The following C21orf58 variants were observed in gnomAD, a reference collection of about 807,000 sequenced individuals.
The protein encoded by C21orf58 is chromosome 21 open reading frame 58, also known as uncharacterized protein C21orf58.
Under a neutral mutation model 35.8 loss-of-function variants are expected in C21orf58, and 34 were observed. The ratio of observed to expected loss-of-function variants is 0.95; its 90% confidence interval spans 0.72 to 1.26. The LOEUF is 1.26. Ranked by LOEUF, C21orf58 falls within the 50% of genes most tolerant of loss-of-function variation. The probability of loss-of-function intolerance (pLI) is 0.00; values close to 1 mark genes in which losing one functional copy is unlikely to be tolerated. For missense variants in C21orf58, 440 were observed against 414.3 expected (o/e 1.06, Z -0.54); for synonymous variants, 191 against 175.8 (o/e 1.09, Z -0.68).
Position 46,302,979 on chromosome 21 carries a change from G to A in C21orf58, c.722-403C>T, listed in dbSNP as rs1227714371. Among the ~76,000 whole-genome samples the A allele has an allele frequency of 1.2e-4, 18 of 151,434 alleles. No homozygotes were observed. The East Asian group carries it at 3.4e-3, about 28-fold the overall frequency. On this transcript the variant is annotated intron_variant, in intron 6 of 7. Transcript: ENST00000291691. ...CCGTCTGTACACGGTGCGGGTCCCC[G>A]GGGCGCGCCCTGAGTCTCTACTAAA...
Position 46,317,368 on chromosome 21 carries a change from C to G in C21orf58, c.310-100G>C, listed in dbSNP as rs143018532. 28 of 1,538,620 alleles carry G rather than the reference C, an allele frequency of 1.8e-5. No homozygotes were observed. The East Asian group carries it at 6.6e-4, about 36-fold the overall frequency. The stretch of plus-strand genomic sequence containing the variant: ...GGCTTTCTGAGTGAAAAGAATGGTA[C>G]GTCAGGAGTAACCCAGCCTCTCCAG... On this transcript the variant is annotated intron_variant, in intron 2 of 7. Coordinates refer to ENST00000291691, the MANE Select transcript of C21orf58 (RefSeq NM_058180.5).
intron 1 of C21orf58, chr21:46,318,550 G>A (rs763441114): frequency 8.9e-6 from 11 of 1,235,690 alleles, no homozygotes; most frequent in African/African-American, 1.5e-5. Context: ...GTCAGGGGAG[G>A]GCGCCCCACC....
At chr21:46,316,341 A>T (rs1267246067) in intron 3 of C21orf58, among the ~76,000 whole-genome samples, 8 of 152,102 alleles carry the variant, frequency 5.3e-5, no homozygotes, top group Non-Finnish European at 1.5e-5. Flanking sequence ...CTGTAATCTC[A>T]GCTACTCGGG....
At chr21:46,322,539 C>A (rs2083206625) in intron 1 of C21orf58, 100 bp downstream of exon 1, 3 of 1,312,440 alleles carry the variant, frequency 2.3e-6, no homozygotes, top group South Asian at 2.4e-5. Flanking sequence ...GGCTGTGTTG[C>A]CTGCCTGGCC....
intron 1 of C21orf58, among the ~76,000 whole-genome samples, chr21:46,321,033 T>G (rs1047194170): frequency 6.6e-6 from 1 of 151,734 alleles, no homozygotes; most frequent in African/African-American, 2.4e-5. Flanking sequence ...TTGTCAGACT[T>G]TTTTTTTAAA....
At chr21:46,311,403 C>G in intron 6 of C21orf58, 53 bp downstream of exon 6, 10 of 1,095,624 alleles carry the variant, frequency 9.1e-6, no homozygotes, top group Non-Finnish European at 1.2e-5. Flanking sequence ...AACATTTTCC[C>G]TTTCAGTAGA....
intron 5 of C21orf58, among the ~76,000 whole-genome samples, chr21:46,314,131 G>GTTTTTTTTTTTTTTTTT (rs140166854): frequency 1.4e-5 from 2 of 145,108 alleles, no homozygotes; most frequent in Admixed American, 7.0e-5. Context: ...GCATGATAAA[G>GTTTTTTTTTTTTTTTTT]TTTTTTTTTT....
intron 6 of C21orf58, 41 bp downstream of exon 6, chr21:46,311,414 TA>T (rs2082678668): frequency 3.3e-6 from 4 of 1,214,800 alleles, no homozygotes; most frequent in Non-Finnish European, 4.6e-6. Flanking sequence ...TTTCAGTAGA[TA>T]ATTTCCTCAA....
intron 6 of C21orf58, among the ~76,000 whole-genome samples, chr21:46,305,934 C>T (rs948427864): frequency 1.3e-4 from 19 of 150,906 alleles, no homozygotes; most frequent in Admixed American, 5.9e-4. Flanking sequence ...AGCGAGACTC[C>T]GTCTCAAAAA....
intron 6 of C21orf58, among the ~76,000 whole-genome samples, chr21:46,304,179 A>G (rs1219849125): frequency 6.7e-6 from 1 of 149,012 alleles, no homozygotes; most frequent in Admixed American, 6.7e-5. Flanking sequence ...AGCACCCGCC[A>G]CCACGCCCGG....
downstream of C21orf58, chr21:46,301,085 CTT>C (rs75629316): frequency 3.9e-4 from 313 of 804,672 alleles, no homozygotes; most frequent in East Asian, 8.9e-4. Context: ...AGCACTCTCC[CTT>C]TTTTTTTTTT....
chr21:46,305,955 AG>A (rs1191405263), intron 6 of C21orf58, among the ~76,000 whole-genome samples: 22 of 151,486 alleles, frequency 1.5e-4, no homozygotes, highest in Admixed American at 7.9e-4. Context: ...AAAAAAGAAA[AG>A]AATCTTGAGT....
intron 3 of C21orf58, among the ~76,000 whole-genome samples, chr21:46,316,677 A>C (rs1940411773): frequency 6.6e-6 from 1 of 152,222 alleles, no homozygotes; most frequent in African/African-American, 2.4e-5. Flanking sequence ...ATTCCCTCGC[A>C]CTGGCTCTGC....
At chr21:46,317,433 T>C in intron 2 of C21orf58, 165 bp from the exon 3 acceptor site, 2 of 1,212,258 alleles carry the variant, frequency 1.6e-6, no homozygotes, top group Non-Finnish European at 1.1e-6. Context: ...AGGATCTCCC[T>C]GAGCTGCCTC....
chr21:46,303,800 G>A (rs1487365105), intron 6 of C21orf58, among the ~76,000 whole-genome samples: 1 of 131,714 alleles, frequency 7.6e-6, no homozygotes, highest in Non-Finnish European at 1.6e-5. Context: ...CGCCGAGGCT[G>A]GAGTGCAGTG....
intron 1 of C21orf58, among the ~76,000 whole-genome samples, chr21:46,321,621 G>A (rs1459915343): frequency 2.0e-5 from 3 of 152,186 alleles, no homozygotes; most frequent in Admixed American, 6.5e-5. Context: ...GTTAGACTGG[G>A]ACTGCAGGTT....
At chr21:46,317,101 G>A (rs986590650) in intron 3 of C21orf58, 107 bp downstream of exon 3, 4 of 893,320 alleles carry the variant, frequency 4.5e-6, no homozygotes, top group Non-Finnish European at 7.0e-6. Context: ...AGGAGTGGGG[G>A]TGATTCCCAG....
chr21:46,315,475 C>A lies in C21orf58; in HGVS notation c.443G>T (p.Arg148Leu), dbSNP rs780452434. The change falls in exon 4 of 8, where the codon CGG becomes CTG. Residue 148 changes from arginine to leucine, a missense_variant and splice_region_variant. Physicochemically the swap from Arg to Leu is moderately radical, Grantham distance 102. Coordinates refer to ENST00000291691, the MANE Select transcript of C21orf58 (RefSeq NM_058180.5). ...KRRRDLLQRL[R>L]EQHLLDELSR... ...TCGCTCAGAGGGTGCAGGGCCTACC[C>A]GGAGTCTCTGCAGAAGGTCCCTCCT... is the stretch of plus-strand genomic sequence containing the variant. 6.3e-7 allele frequency: 1 copy of A among 1,590,698 alleles called. No homozygotes were observed. The highest frequency in any genetic ancestry group is 8.6e-7 in the Non-Finnish European group (1 of 1,159,084).
chr21:46,315,679 G>A (rs1190871861), intron 3 of C21orf58, 132 bp from the exon 4 acceptor site: 6 of 676,178 alleles, frequency 8.9e-6, no homozygotes, highest in Non-Finnish European at 1.4e-5. Flanking sequence ...GGGAGGCCTG[G>A]GAGGATCCTG....
Sources: allele counts gnomAD v4.1 joint callset (sites outside exome capture counted in the v4.1 genomes callset), GRCh38; gene constraint gnomAD v4.1.1; transcripts MANE v1.5; gene names NCBI Gene and HGNC (gene_info 2026-07-23, HGNC 2026-07-21).